DPP10: variants seen among roughly 807,000 people sequenced by gnomAD.
DPP10 encodes dipeptidyl peptidase like 10, also known as inactive dipeptidyl peptidase 10.
In DPP10, 33 loss-of-function variants were observed where a neutral mutation model predicts 120.9. The ratio of observed to expected loss-of-function variants is 0.27; its 90% CI spans 0.21 to 0.37. The LOEUF (loss-of-function observed/expected upper bound fraction) is 0.37. DPP10 is among the 10% of genes least tolerant of loss of function. The pLI is 1.00. For synonymous variants in DPP10, 337 were observed against 326.1 expected (o/e 1.03, Z -0.36); for missense variants, 816 against 942.8 (o/e 0.87, Z 1.76).
At chr2:115,248,635 ATAAG>A (rs918378370) in intron 1 of DPP10, among the ~76,000 whole-genome samples, 20 of 152,236 alleles carry the variant, frequency 1.3e-4, no homozygotes, top group African/African-American at 4.8e-4. Flanking sequence ...TTTTCATTGA[ATAAG>A]GGAGGGAGAT....
intron 1 of DPP10, among the ~76,000 whole-genome samples, chr2:115,103,040 G>A (rs886832345): frequency 6.6e-6 from 1 of 152,152 alleles, no homozygotes; most frequent in Non-Finnish European, 1.5e-5. Context: ...AAACCATTTG[G>A]ATTAGTTAAT....
intron 1 of DPP10, among the ~76,000 whole-genome samples, chr2:115,162,468 C>G (rs1214762546): frequency 6.6e-6 from 1 of 152,194 alleles, no homozygotes; most frequent in Non-Finnish European, 1.5e-5. Flanking sequence ...CAAAGCGACC[C>G]GAGCAGGCGA....
intron 2 of DPP10, among the ~76,000 whole-genome samples, chr2:115,318,844 C>A (rs1559413875): frequency 6.6e-6 from 1 of 152,084 alleles, no homozygotes; most frequent in African/African-American, 2.4e-5. Context: ...GTATGAGGAT[C>A]ATGTCATGTG....
At position 114,801,817 on chromosome 2, in the gene DPP10, C is replaced by CT. The variant is rs907799045; in HGVS notation, c.60+358987dup. Among the ~76,000 whole-genome samples, 19 of 152,072 alleles carry CT rather than the reference C, an allele frequency of 1.2e-4. No homozygotes were observed. The South Asian group carries it at 1.9e-3, about 15-fold the overall frequency. On this transcript the variant is annotated intron_variant, in intron 1 of 25. Coordinates refer to ENST00000410059, the MANE Select transcript of DPP10 (RefSeq NM_020868.6). Reference sequence around the variant, plus strand: ...CATAGATATTAGGTCTATTCTTTTCCTTTTTTTTCTGTCCAGATGCTTGGA... The same window carrying CT: ...CATAGATATTAGGTCTATTCTTTTCCTTTTTTTTTCTGTCCAGATGCTTGGA...
chr2:115,376,038 G>T (rs1336778444), intron 3 of DPP10, among the ~76,000 whole-genome samples: 1 of 152,050 alleles, frequency 6.6e-6, no homozygotes, highest in African/African-American at 2.4e-5. Context: ...AGGCATTAGT[G>T]GGTGAATGTT....
At chr2:115,472,769 C>T (rs1478633268) in intron 3 of DPP10, among the ~76,000 whole-genome samples, 1 of 152,132 alleles carries the variant, frequency 6.6e-6, no homozygotes, top group Non-Finnish European at 1.5e-5. Flanking sequence ...ACAATAAATG[C>T]TTATGGAATT....
At chr2:115,821,378 G>A (rs1687800699) in intron 21 of DPP10, among the ~76,000 whole-genome samples, 1 of 151,852 alleles carries the variant, frequency 6.6e-6, no homozygotes, top group African/African-American at 2.4e-5. Context: ...TTGCATTAAA[G>A]ATTTTTATAT....
At chr2:115,592,244 G>C (rs545304697) in intron 5 of DPP10, among the ~76,000 whole-genome samples, 4 of 152,152 alleles carry the variant, frequency 2.6e-5, no homozygotes, top group Non-Finnish European at 5.9e-5. Flanking sequence ...TGTGGACTCA[G>C]AGCATGCCCC....
chr2:115,467,447 G>A lies in DPP10; in HGVS notation c.272-32063G>A, dbSNP rs143134289. 6.7e-4 allele frequency among the ~76,000 whole-genome samples: 101 copies of A among 151,864 alleles called. 1 individual carries two copies. In the East Asian group the frequency reaches 0.018, roughly 27 times the overall value. ...CGAAAATTAGCTGGGTGTGGTGGTG[G>A]GCACTTGTAATCCCAGCTACTCAGG... On this transcript the variant is annotated intron_variant, in intron 3 of 25. Transcript: ENST00000410059.
chr2:114,906,101 G>T (rs11691496), intron 1 of DPP10, among the ~76,000 whole-genome samples: 25,205 of 151,912 alleles, frequency 0.17, 2,407 homozygotes, highest in Middle Eastern at 0.27. Flanking sequence ...AACCTGGGCC[G>T]GGCACGGGGG....
intron 2 of DPP10, among the ~76,000 whole-genome samples, chr2:115,323,435 A>G (rs2062170162): frequency 6.6e-6 from 1 of 152,220 alleles, no homozygotes; most frequent in South Asian, 2.1e-4. Flanking sequence ...CAAAGTTATC[A>G]GTACTGATTG....
At chr2:115,541,250 A>G (rs1303752429) in intron 5 of DPP10, among the ~76,000 whole-genome samples, 1 of 151,930 alleles carries the variant, frequency 6.6e-6, no homozygotes, top group Non-Finnish European at 1.5e-5. Context: ...CCCAAAAAAT[A>G]TCCTGTTTCC....
At chr2:115,141,023 G>A (rs995122918) in intron 1 of DPP10, among the ~76,000 whole-genome samples, 11 of 151,860 alleles carry the variant, frequency 7.2e-5, no homozygotes, top group Non-Finnish European at 1.6e-4. Context: ...ATTTCCTCCA[G>A]TGGATTAAAA....
At chr2:115,456,469 C>G (rs1364204319) in intron 3 of DPP10, among the ~76,000 whole-genome samples, 1 of 152,020 alleles carries the variant, frequency 6.6e-6, no homozygotes, top group African/African-American at 2.4e-5. Context: ...GGTATATACC[C>G]AAATAATTAT....
intron 1 of DPP10, among the ~76,000 whole-genome samples, chr2:114,958,416 G>T (rs766626869): frequency 6.6e-6 from 1 of 151,904 alleles, no homozygotes; most frequent in Non-Finnish European, 1.5e-5. Context: ...CACTTTAACG[G>T]GTACAAAGTT....
intron 5 of DPP10, among the ~76,000 whole-genome samples, chr2:115,590,316 C>T (rs2149169296): frequency 6.6e-6 from 1 of 152,156 alleles, no homozygotes; most frequent in South Asian, 2.1e-4. Flanking sequence ...ATCCCTCCCC[C>T]TTACCCCCAC....
At chr2:115,285,456 C>A (rs901284008) in intron 1 of DPP10, among the ~76,000 whole-genome samples, 9 of 151,978 alleles carry the variant, frequency 5.9e-5, no homozygotes, top group African/African-American at 1.9e-4. Context: ...TTAAAAGTTC[C>A]TTTCAGTGTA....
intron 1 of DPP10, among the ~76,000 whole-genome samples, chr2:115,150,539 T>C (rs2051481474): frequency 6.6e-6 from 1 of 152,242 alleles, no homozygotes; most frequent in Admixed American, 6.5e-5. Context: ...TTCTTGCATA[T>C]GCTATCTCAT....
At chr2:114,545,110 A>G (rs941038344) in intron 1 of DPP10, among the ~76,000 whole-genome samples, 5 of 152,142 alleles carry the variant, frequency 3.3e-5, no homozygotes, top group Admixed American at 2.6e-4. Context: ...TCAGCCTTCC[A>G]AATTGCTGAG....
Sources: gnomAD v4.1 joint callset for allele counts (sites outside exome capture counted in the v4.1 genomes callset) on GRCh38, gnomAD v4.1.1 for gene constraint, MANE v1.5 for transcripts, NCBI Gene and HGNC (gene_info 2026-07-23, HGNC 2026-07-21) for gene names.